GALNTL6: variants seen among roughly 807,000 people sequenced by gnomAD.
GALNTL6 encodes polypeptide N-acetylgalactosaminyltransferase like 6.
A neutral mutation model predicts 73.7 loss-of-function variants in GALNTL6; 46 were observed. The observed-to-expected ratio is 0.62, with a 90% confidence interval of 0.49 to 0.80. The LOEUF (loss-of-function observed/expected upper bound fraction) is 0.80, where lower values mean the gene tolerates loss of function less well. Ranked by LOEUF, GALNTL6 falls within the 30% of genes least tolerant of loss-of-function variation. GALNTL6 has a pLI of 0.00. For missense variants in GALNTL6, 604 were observed against 755.0 expected (o/e 0.80, Z 2.34); for synonymous variants, 259 against 263.7 (o/e 0.98, Z 0.17).
chr4:173,003,592 G>C (rs973765387), intron 10 of GALNTL6, among the ~76,000 whole-genome samples: 1 of 152,160 alleles, frequency 6.6e-6, no homozygotes, highest in Non-Finnish European at 1.5e-5. Flanking sequence ...CAGGCACTTC[G>C]CATGCATCTG....
intron 7 of GALNTL6, among the ~76,000 whole-genome samples, chr4:172,854,389 A>G (rs960812799): frequency 2.6e-5 from 4 of 152,236 alleles, no homozygotes; most frequent in Non-Finnish European, 5.9e-5. Flanking sequence ...TTGAATTCAA[A>G]AAAATCTTTA....
chr4:171,904,603 AG>A (rs1737214350), intron 2 of GALNTL6, among the ~76,000 whole-genome samples: 1 of 152,190 alleles, frequency 6.6e-6, no homozygotes, highest in African/African-American at 2.4e-5. Context: ...TCCCCAATCT[AG>A]CAAGGCAGGC....
At chr4:172,691,669 C>A (rs1444338713) in intron 5 of GALNTL6, among the ~76,000 whole-genome samples, 1 of 152,160 alleles carries the variant, frequency 6.6e-6, no homozygotes, top group Admixed American at 6.5e-5. Flanking sequence ...AAGAACCCTG[C>A]CTCACTCCCC....
At chr4:172,097,936 T>C (rs1732404538) in intron 2 of GALNTL6, among the ~76,000 whole-genome samples, 1 of 152,038 alleles carries the variant, frequency 6.6e-6, no homozygotes. Flanking sequence ...AAGTCATACT[T>C]CTGCTTGGTC....
intron 2 of GALNTL6, among the ~76,000 whole-genome samples, chr4:172,184,425 A>G (rs1024320851): frequency 6.6e-6 from 1 of 152,186 alleles, no homozygotes; most frequent in Non-Finnish European, 1.5e-5. Flanking sequence ...TCTCTGAACC[A>G]GGGGTCTCTA....
At chr4:172,913,283 G>A (rs1747312711) in intron 8 of GALNTL6, among the ~76,000 whole-genome samples, 1 of 152,190 alleles carries the variant, frequency 6.6e-6, no homozygotes, top group Non-Finnish European at 1.5e-5. Flanking sequence ...AAGATGGGGA[G>A]AAACTAGAGC....
At chr4:171,988,479 G>T (rs1279333178) in intron 2 of GALNTL6, among the ~76,000 whole-genome samples, 6 of 152,162 alleles carry the variant, frequency 3.9e-5, no homozygotes, top group South Asian at 2.1e-4. Context: ...AGGCTGGGAT[G>T]AAGGGTGCAA....
intron 5 of GALNTL6, among the ~76,000 whole-genome samples, chr4:172,549,503 T>A (rs548530726): frequency 7.9e-5 from 12 of 152,280 alleles, no homozygotes; most frequent in African/African-American, 2.9e-4. Flanking sequence ...TATCTACAAT[T>A]TAAAAGTGTT....
chr4:172,331,277 T>TTTTTG (rs1375271224), intron 4 of GALNTL6, among the ~76,000 whole-genome samples: 1 of 150,986 alleles, frequency 6.6e-6, no homozygotes, highest in Non-Finnish European at 1.5e-5. Flanking sequence ...AAAAAAGTAG[T>TTTTTG]TTTTGTTTTG....
intron 2 of GALNTL6, among the ~76,000 whole-genome samples, chr4:171,882,457 C>T (rs753489229): frequency 6.6e-6 from 1 of 152,178 alleles, no homozygotes; most frequent in Non-Finnish European, 1.5e-5. Context: ...GGTAAAGTCC[C>T]ATGATAGGCA....
At chr4:172,788,584 A>T (rs948240455) in intron 5 of GALNTL6, among the ~76,000 whole-genome samples, 3 of 149,460 alleles carry the variant, frequency 2.0e-5, no homozygotes, top group African/African-American at 7.4e-5. Context: ...AGGCAGGAGA[A>T]TGCCGTGAAA....
At chr4:172,276,877 A>G (rs1416972727) in intron 3 of GALNTL6, among the ~76,000 whole-genome samples, 2 of 152,188 alleles carry the variant, frequency 1.3e-5, no homozygotes, top group Admixed American at 1.3e-4. Context: ...GATTATTTTT[A>G]AAAACATGCC....
intron 7 of GALNTL6, among the ~76,000 whole-genome samples, chr4:172,873,325 T>C (rs934507903): frequency 2.4e-4 from 36 of 152,226 alleles, no homozygotes; most frequent in African/African-American, 8.4e-4. Context: ...GTGGCTTCCA[T>C]GTAGGCTGAA....
At chr4:172,692,602 A>G (rs1452081193) in intron 5 of GALNTL6, among the ~76,000 whole-genome samples, 1 of 152,164 alleles carries the variant, frequency 6.6e-6, no homozygotes, top group Non-Finnish European at 1.5e-5. Flanking sequence ...TTTTTTAAAC[A>G]CTTTAGCAGC....
At chr4:172,152,917 C>T (rs1162545610) in intron 2 of GALNTL6, among the ~76,000 whole-genome samples, 1 of 152,030 alleles carries the variant, frequency 6.6e-6, no homozygotes, top group African/African-American at 2.4e-5. Flanking sequence ...ACCGGAAATG[C>T]AACTCTTTAT....
intron 5 of GALNTL6, among the ~76,000 whole-genome samples, chr4:172,530,127 C>A (rs992991049): frequency 1.3e-5 from 2 of 151,890 alleles, no homozygotes; most frequent in Non-Finnish European, 2.9e-5. Flanking sequence ...TTCTATAAGC[C>A]TAGAGCTCAC....
intron 2 of GALNTL6, among the ~76,000 whole-genome samples, chr4:171,859,782 A>G (rs1276825219): frequency 6.6e-6 from 1 of 152,164 alleles, no homozygotes; most frequent in Non-Finnish European, 1.5e-5. Flanking sequence ...GCATGTAGTG[A>G]CTGCATGACT....
intron 3 of GALNTL6, among the ~76,000 whole-genome samples, chr4:172,285,088 T>C (rs1475327516): frequency 6.6e-6 from 1 of 152,228 alleles, no homozygotes; most frequent in Non-Finnish European, 1.5e-5. Flanking sequence ...GTGATATTTT[T>C]CTAATTGTGT....
intron 3 of GALNTL6, among the ~76,000 whole-genome samples, chr4:172,238,646 G>C (rs1048518988): frequency 6.6e-6 from 1 of 152,074 alleles, no homozygotes; most frequent in Non-Finnish European, 1.5e-5. Flanking sequence ...ATTGAATAGG[G>C]AGTGATGAGA....
Sources: gnomAD v4.1 joint callset for allele counts (sites outside exome capture counted in the v4.1 genomes callset) on GRCh38, gnomAD v4.1.1 for gene constraint, MANE v1.5 for transcripts, NCBI Gene and HGNC (gene_info 2026-07-23, HGNC 2026-07-21) for gene names.